Variants in IL1RAPL1 observed in about 807,000 individuals in gnomAD.
The protein encoded by IL1RAPL1 is interleukin-1 receptor accessory protein-like 1.
Under a neutral mutation model 48.4 loss-of-function variants are expected in IL1RAPL1, and 3 were observed. The ratio of observed to expected loss-of-function variants is 0.06; its 90% CI spans 0.03 to 0.16. The LOEUF (loss-of-function observed/expected upper bound fraction) is 0.16, where lower values mean the gene tolerates loss of function less well. IL1RAPL1 is among the 10% of genes least tolerant of loss of function. IL1RAPL1 has a pLI of 1.00. For missense variants in IL1RAPL1, 349 were observed against 530.6 expected (o/e 0.66, Z 3.36); for synonymous variants, 185 against 187.7 (o/e 0.99, Z 0.12).
chrX:28,970,385 CA>C (rs2147368524), intron 2 of IL1RAPL1, among the ~76,000 whole-genome samples: 1 of 112,264 alleles, frequency 8.9e-6, no homozygotes, highest in African/African-American at 3.2e-5. Flanking sequence ...TAGAAATGAA[CA>C]AAATGGGTAC....
chrX:29,241,932 T>C (rs959686859), intron 2 of IL1RAPL1, among the ~76,000 whole-genome samples: 2 of 111,680 alleles, frequency 1.8e-5, no homozygotes, highest in African/African-American at 6.5e-5. Flanking sequence ...GAGAATGCTA[T>C]TGCAGTAGGG....
chrX:28,948,263 C>T (rs1924360064), intron 2 of IL1RAPL1, among the ~76,000 whole-genome samples: 1 of 111,308 alleles, frequency 9.0e-6, no homozygotes, highest in Non-Finnish European at 1.9e-5. Flanking sequence ...TCATTTAATT[C>T]TTCTAATATT....
At chrX:29,624,886 C>T (rs1183847022) in intron 5 of IL1RAPL1, among the ~76,000 whole-genome samples, 1 of 111,089 alleles carries the variant, frequency 9.0e-6, no homozygotes, top group Non-Finnish European at 1.9e-5. Flanking sequence ...TAATTGACAT[C>T]TATATTTATG....
chrX:28,598,595 C>T (rs1013679597), intron 1 of IL1RAPL1, among the ~76,000 whole-genome samples: 2 of 107,078 alleles, frequency 1.9e-5, no homozygotes, highest in African/African-American at 6.8e-5. Context: ...GATCCTGATT[C>T]GGTGTTTGGA....
At chrX:29,494,265 C>A (rs149961957) in intron 5 of IL1RAPL1, among the ~76,000 whole-genome samples, 177 of 111,691 alleles carry the variant, frequency 1.6e-3, no homozygotes, top group Non-Finnish European at 2.1e-3. Context: ...ATTAGTTTGC[C>A]TCTAGTTGCA....
intron 2 of IL1RAPL1, among the ~76,000 whole-genome samples, chrX:29,175,144 C>T (rs1238375319): frequency 9.2e-6 from 1 of 108,457 alleles, no homozygotes; most frequent in Admixed American, 9.8e-5. Flanking sequence ...CTTTGTATAC[C>T]AAGTAAAAAC....
At chrX:29,587,378 C>CT (rs1923209247) in intron 5 of IL1RAPL1, among the ~76,000 whole-genome samples, 1 of 15,675 alleles carries the variant, frequency 6.4e-5, no homozygotes, top group African/African-American at 2.3e-4. Flanking sequence ...AGGTTGTGGG[C>CT]GGGGGGTTGG....
chrX:29,600,206 GC>G (rs1202331246), intron 5 of IL1RAPL1, among the ~76,000 whole-genome samples: 2 of 111,465 alleles, frequency 1.8e-5, no homozygotes, highest in Non-Finnish European at 3.8e-5. Flanking sequence ...CTTTTGTCCC[GC>G]AGGGTGCTCC....
intron 1 of IL1RAPL1, among the ~76,000 whole-genome samples, chrX:28,757,149 A>C (rs1936115037): frequency 8.9e-6 from 1 of 112,351 alleles, no homozygotes; most frequent in Admixed American, 9.5e-5. Context: ...GTAGATGCAA[A>C]AAATTTGCAA....
At chrX:29,802,924 TAC>T (rs1188055813) in intron 6 of IL1RAPL1, among the ~76,000 whole-genome samples, 20 of 55,325 alleles carry the variant, frequency 3.6e-4, no homozygotes, top group African/African-American at 1.3e-3. Flanking sequence ...TGTACATATA[TAC>T]ATATATGTGT....
At chrX:29,336,106 A>G (rs902422815) in intron 3 of IL1RAPL1, among the ~76,000 whole-genome samples, 6 of 105,055 alleles carry the variant, frequency 5.7e-5, no homozygotes, top group African/African-American at 2.0e-4. Context: ...TATTTTATAT[A>G]CATAAATATA....
intron 3 of IL1RAPL1, among the ~76,000 whole-genome samples, chrX:29,350,988 A>G (rs189531066): frequency 9.0e-6 from 1 of 111,699 alleles, no homozygotes; most frequent in African/African-American, 3.2e-5. Context: ...GACTTACTGT[A>G]GTTGAACCTT....
chrX:29,716,584 ACAAATCTGACACACAG>A (rs1348979035), intron 6 of IL1RAPL1, among the ~76,000 whole-genome samples: 3 of 112,221 alleles, frequency 2.7e-5, no homozygotes, highest in Non-Finnish European at 5.6e-5. Context: ...GCAGCAGGTA[ACAAATCTGACACACAG>A]CAATCTTTAG....
chrX:29,137,411 T>C (rs770583710), intron 2 of IL1RAPL1, among the ~76,000 whole-genome samples: 9 of 112,075 alleles, frequency 8.0e-5, no homozygotes, highest in Admixed American at 4.8e-4. Flanking sequence ...AATTTTTTTG[T>C]GGTGAAATTT....
intron 2 of IL1RAPL1, among the ~76,000 whole-genome samples, chrX:29,239,143 A>G (rs1931361673): frequency 8.9e-6 from 1 of 112,051 alleles, no homozygotes; most frequent in Non-Finnish European, 1.9e-5. Flanking sequence ...TCTAAAAAAA[A>G]TGAAAATATT....
At chrX:28,931,381 C>CA (rs1244788923) in intron 2 of IL1RAPL1, among the ~76,000 whole-genome samples, 3 of 112,027 alleles carry the variant, frequency 2.7e-5, no homozygotes, top group Non-Finnish European at 5.6e-5. Flanking sequence ...TCTTTACAGA[C>CA]AAAATCATTT....
At chrX:29,125,468 T>C (rs225038) in intron 2 of IL1RAPL1, among the ~76,000 whole-genome samples, 43,916 of 111,225 alleles carry the variant, frequency 0.39, 7,077 homozygotes, top group Non-Finnish European at 0.52. Flanking sequence ...TCATCATTAT[T>C]ATATTACACA....
At chrX:29,447,402 G>A (rs1172876394) in intron 5 of IL1RAPL1, among the ~76,000 whole-genome samples, 1 of 111,030 alleles carries the variant, frequency 9.0e-6, no homozygotes, top group Non-Finnish European at 1.9e-5. Context: ...TCTGAAGAGG[G>A]ACATGAATTT....
chrX:29,677,369 AT>A (rs1926315606), intron 6 of IL1RAPL1, among the ~76,000 whole-genome samples: 1 of 111,956 alleles, frequency 8.9e-6, no homozygotes, highest in African/African-American at 3.2e-5. Flanking sequence ...TGTTCCCTTC[AT>A]TTTTGATTGA....
Sources: gnomAD v4.1 joint callset for allele counts (sites outside exome capture counted in the v4.1 genomes callset) on GRCh38, gnomAD v4.1.1 for gene constraint, MANE v1.5 for transcripts, NCBI Gene and HGNC (gene_info 2026-07-23, HGNC 2026-07-21) for gene names.